IPO11: variants seen among roughly 807,000 people sequenced by gnomAD.
IPO11 encodes importin 11.
In IPO11, 66 loss-of-function variants were observed where a neutral mutation model predicts 143.2. The ratio of observed to expected loss-of-function variants is 0.46; its 90% confidence interval spans 0.38 to 0.57. The LOEUF (loss-of-function observed/expected upper bound fraction) is 0.57, where lower values mean the gene tolerates loss of function less well. Ranked by LOEUF, IPO11 falls within the 20% of genes least tolerant of loss-of-function variation. The pLI is 0.00. For missense variants in IPO11, 1,026 were observed against 1,141.0 expected (o/e 0.90, Z 1.45); for synonymous variants, 385 against 377.8 (o/e 1.02, Z -0.22).
At chr5:62,589,618 T>C (rs1439920631) in intron 27 of IPO11, among the ~76,000 whole-genome samples, 1 of 152,188 alleles carries the variant, frequency 6.6e-6, no homozygotes, top group Non-Finnish European at 1.5e-5. Context: ...TCTCTTCTGA[T>C]GTGGAGTGAT....
intron 27 of IPO11, among the ~76,000 whole-genome samples, chr5:62,569,465 G>C (rs1293476707): frequency 6.6e-6 from 1 of 152,158 alleles, no homozygotes; most frequent in African/African-American, 2.4e-5. Flanking sequence ...GGAGGGTTCT[G>C]TTTTGCCATA....
At chr5:62,599,952 A>T (rs1745442544) in intron 28 of IPO11, among the ~76,000 whole-genome samples, 1 of 152,044 alleles carries the variant, frequency 6.6e-6, no homozygotes, top group Non-Finnish European at 1.5e-5. Context: ...GTATTCTGTT[A>T]TTTGTCTAGT....
chr5:62,551,981 C>T (rs112323728), intron 26 of IPO11, among the ~76,000 whole-genome samples: 3,046 of 151,930 alleles, frequency 0.02, 44 homozygotes, highest in Non-Finnish European at 0.032. Context: ...AAAATTAGCC[C>T]GGCGCGGTTG....
intron 24 of IPO11, among the ~76,000 whole-genome samples, chr5:62,538,709 TCATA>T (rs1417504703): frequency 6.6e-6 from 1 of 152,230 alleles, no homozygotes; most frequent in African/African-American, 2.4e-5. Flanking sequence ...GAAAATTGAC[TCATA>T]CATTAACCAG....
intron 29 of IPO11, among the ~76,000 whole-genome samples, chr5:62,626,068 C>T (rs941572529): frequency 9.9e-5 from 15 of 151,838 alleles, no homozygotes; most frequent in Admixed American, 7.9e-4. Flanking sequence ...CTCGCTCTGT[C>T]ACCCAGGCTG....
At chr5:62,584,363 TGA>T (rs1744681285) in intron 27 of IPO11, among the ~76,000 whole-genome samples, 1 of 152,006 alleles carries the variant, frequency 6.6e-6, no homozygotes, top group Admixed American at 6.6e-5. Context: ...TTTGGAAGGC[TGA>T]GGAAGGTGGA....
intron 24 of IPO11, among the ~76,000 whole-genome samples, chr5:62,542,013 T>G (rs142210072): frequency 3.3e-5 from 5 of 152,262 alleles, no homozygotes; most frequent in African/African-American, 1.2e-4. Flanking sequence ...AGGAGTTTGA[T>G]TCCAGCCTTC....
intron 16 of IPO11, among the ~76,000 whole-genome samples, chr5:62,496,847 C>G (rs114051851): frequency 1.3e-5 from 2 of 152,296 alleles, no homozygotes; most frequent in African/African-American, 4.8e-5. Context: ...AAATATGTCA[C>G]TCTGCATTAT....
chr5:62,570,075 T>C (rs930952428), intron 27 of IPO11, among the ~76,000 whole-genome samples: 1 of 152,222 alleles, frequency 6.6e-6, no homozygotes, highest in Non-Finnish European at 1.5e-5. Context: ...CTAATAATTA[T>C]AAGCTGAATT....
chr5:62,450,769 G>A (rs571491673), intron 4 of IPO11, among the ~76,000 whole-genome samples: 2 of 150,158 alleles, frequency 1.3e-5, no homozygotes, highest in Middle Eastern at 3.5e-3. Flanking sequence ...AGTAAATTAT[G>A]TACAGCTTTA....
chr5:62,541,710 T>G (rs868783525), intron 24 of IPO11, among the ~76,000 whole-genome samples: 3 of 152,238 alleles, frequency 2.0e-5, no homozygotes, highest in Non-Finnish European at 2.9e-5. Flanking sequence ...TTAATTGTAT[T>G]TTATTTTATT....
chr5:62,460,407 T>A (rs1745313947), intron 5 of IPO11, among the ~76,000 whole-genome samples: 1 of 152,228 alleles, frequency 6.6e-6, no homozygotes, highest in African/African-American at 2.4e-5. Flanking sequence ...TATACCTTGC[T>A]GATTAGGTTC....
intron 1 of IPO11, among the ~76,000 whole-genome samples, chr5:62,415,788 A>T (rs1453449941): frequency 2.0e-5 from 3 of 151,928 alleles, no homozygotes; most frequent in African/African-American, 4.8e-5. Flanking sequence ...TCTTTACTGG[A>T]TAAAGTTCCC....
At chr5:62,528,475 A>G (rs944959672) in intron 21 of IPO11, among the ~76,000 whole-genome samples, 4 of 152,142 alleles carry the variant, frequency 2.6e-5, no homozygotes, top group African/African-American at 7.2e-5. Flanking sequence ...ACAACTGGGT[A>G]GTGTGGGAAA....
At chr5:62,459,847 C>A (rs922074347) in intron 5 of IPO11, among the ~76,000 whole-genome samples, 3 of 152,098 alleles carry the variant, frequency 2.0e-5, no homozygotes, top group African/African-American at 7.2e-5. Flanking sequence ...CCTCACCTGG[C>A]CTACTTAAGC....
At chr5:62,625,994 A>C (rs1746553537) in intron 29 of IPO11, among the ~76,000 whole-genome samples, 1 of 152,032 alleles carries the variant, frequency 6.6e-6, no homozygotes, top group Non-Finnish European at 1.5e-5. Context: ...GTTTTTCCTA[A>C]TGTTAACATT....
chr5:62,551,784 AT>A (rs1279464382), intron 26 of IPO11, among the ~76,000 whole-genome samples: 1 of 152,176 alleles, frequency 6.6e-6, no homozygotes, highest in Non-Finnish European at 1.5e-5. Flanking sequence ...TGTAGTTGAT[AT>A]CTGTTACCAG....
rs373701671 is a variant in IPO11 at position 62,615,915 on chromosome 5, A to G, written c.2764-11239A>G. 2.0e-5 allele frequency among the ~76,000 whole-genome samples: 3 copies of G among 152,198 alleles called. 1 individual carries two copies. The highest frequency in any genetic ancestry group is 3.9e-4 in the East Asian group (2 of 5,194). On this transcript the variant is annotated intron_variant, in intron 29 of 29. Coordinates refer to ENST00000325324, the MANE Select transcript of IPO11 (RefSeq NM_016338.5). ...TTTAAATTTTGTTTGATTACATGGC[A>G]TCTAGCACAAGTGACTGCAATCTGG...
intron 16 of IPO11, among the ~76,000 whole-genome samples, chr5:62,496,035 A>G (rs979226351): frequency 6.6e-6 from 1 of 152,118 alleles, no homozygotes; most frequent in African/African-American, 2.4e-5. Context: ...CACGCCTATA[A>G]TCCCAGCACT....
Sources: gnomAD v4.1 joint callset for allele counts (sites outside exome capture counted in the v4.1 genomes callset) on GRCh38, gnomAD v4.1.1 for gene constraint, MANE v1.5 for transcripts, NCBI Gene and HGNC (gene_info 2026-07-23, HGNC 2026-07-21) for gene names.